The following SHISAL2B variants were observed in gnomAD, a reference collection of about 807,000 sequenced individuals.
SHISAL2B encodes shisa like 2B.
A neutral mutation model predicts 16.5 loss-of-function variants in SHISAL2B; 12 were observed. The observed-to-expected ratio is 0.73, with a 90% CI of 0.47 to 1.18. The LOEUF (loss-of-function observed/expected upper bound fraction) is 1.18, where lower values mean the gene tolerates loss of function less well. Among genes scored for constraint, SHISAL2B ranks in the 50% most tolerant of loss-of-function variants. The probability of loss-of-function intolerance (pLI) is 0.00; values close to 1 mark genes in which losing one functional copy is unlikely to be tolerated. For missense variants in SHISAL2B, 183 were observed against 193.6 expected (o/e 0.95, Z 0.33); for synonymous variants, 72 against 75.0 (o/e 0.96, Z 0.21).
Position 64,717,949 on chromosome 5 carries a change from A to C in SHISAL2B, c.410A>C (p.Glu137Ala). 2 of 1,524,172 alleles carry C rather than the reference A, an allele frequency of 1.3e-6. No individual in the cohort carries two copies. The highest frequency in any genetic ancestry group is 1.2e-5 in the South Asian group (1 of 80,390). The allele number at this position is 1,524,172 out of a possible 1,614,324, so 94.4% of individuals were successfully genotyped here. Residue 137 changes from glutamate (E) to alanine (A), a missense_variant, in exon 3 of 3, where the codon GAA becomes GCA. Transcript: ENST00000389074. ...AATGCAGCATCAAATGCAACAAATG[A>C]AACATACTATGAAGCTGATGATATA... ...NSNAASNATN[E>A]TYYEADDIIQ...
chr5:64,693,158 C>T (rs1257232052), intron 1 of SHISAL2B, among the ~76,000 whole-genome samples: 1 of 152,110 alleles, frequency 6.6e-6, no homozygotes, highest in Non-Finnish European at 1.5e-5. Flanking sequence ...CAGGCGCCTG[C>T]CACCATGCCT....
At chr5:64,703,529 C>T (rs1741837586) in intron 2 of SHISAL2B, among the ~76,000 whole-genome samples, 1 of 152,140 alleles carries the variant, frequency 6.6e-6, no homozygotes, top group Non-Finnish European at 1.5e-5. Flanking sequence ...CTGAGTCCTC[C>T]TCAAGGCACA....
At chr5:64,705,415 A>C (rs143909383) in intron 2 of SHISAL2B, among the ~76,000 whole-genome samples, 588 of 152,302 alleles carry the variant, frequency 3.9e-3, no homozygotes, top group Middle Eastern at 0.014. Flanking sequence ...CGTCTGATTA[A>C]ACTACTATGA....
intron 2 of SHISAL2B, among the ~76,000 whole-genome samples, chr5:64,707,424 G>C (rs1741889481): frequency 1.3e-5 from 2 of 152,148 alleles, no homozygotes; most frequent in Non-Finnish European, 2.9e-5. Flanking sequence ...CGGGGACCGT[G>C]AGGACATGGT....
Position 64,690,554 on chromosome 5 carries a change from G to C in SHISAL2B, c.-70G>C. 7.7e-7 allele frequency: 1 copy of C among 1,293,370 alleles called. No homozygotes were observed. The highest frequency in any genetic ancestry group is 1.0e-6 in the Non-Finnish European group (1 of 990,838). 80.1% of individuals were successfully genotyped at this position (1,293,370 alleles called of 1,614,324 possible). On this transcript the variant is annotated 5_prime_UTR_variant, in exon 1 of 3. Transcript: ENST00000389074. Reference sequence around the variant, plus strand: ...CGGGCAGAGGGGTCCGCGGGCTCTGGAGGTGCTGGACGGGTGCGATCCGAG... The same window carrying C: ...CGGGCAGAGGGGTCCGCGGGCTCTGCAGGTGCTGGACGGGTGCGATCCGAG...
At chr5:64,710,031 T>C (rs907389340) in intron 2 of SHISAL2B, among the ~76,000 whole-genome samples, 1 of 149,702 alleles carries the variant, frequency 6.7e-6, no homozygotes. Context: ...GCAGAAGCTC[T>C]TTAGTTTAAT....
intron 2 of SHISAL2B, among the ~76,000 whole-genome samples, chr5:64,699,288 T>A (rs1741777410): frequency 6.6e-6 from 1 of 152,228 alleles, no homozygotes; most frequent in Admixed American, 6.5e-5. Context: ...CTTGCATTGA[T>A]TTTAACCAAA....
At chr5:64,713,398 T>C (rs275814) in intron 2 of SHISAL2B, among the ~76,000 whole-genome samples, 7,073 of 45,538 alleles carry the variant, frequency 0.16, 468 homozygotes, top group African/African-American at 0.21. Flanking sequence ...AGGGTTTCTG[T>C]CAAGAGATCC....
chr5:64,693,302 C>T (rs1242065481), intron 1 of SHISAL2B, among the ~76,000 whole-genome samples: 2 of 152,144 alleles, frequency 1.3e-5, no homozygotes, highest in Non-Finnish European at 2.9e-5. Context: ...CCACCGCGCC[C>T]AGCCATAAAG....
At chr5:64,694,375 A>G (rs903519932) in intron 1 of SHISAL2B, among the ~76,000 whole-genome samples, 5 of 152,224 alleles carry the variant, frequency 3.3e-5, no homozygotes, top group Admixed American at 2.6e-4. Flanking sequence ...CTATTGGTAG[A>G]TTTTAATTAG....
chr5:64,700,190 G>A (rs1741788480), intron 2 of SHISAL2B, among the ~76,000 whole-genome samples: 1 of 152,166 alleles, frequency 6.6e-6, no homozygotes, highest in Non-Finnish European at 1.5e-5. Context: ...AGGTTGGGGA[G>A]GAATTAATGG....
chr5:64,713,668 C>T, intron 2 of SHISAL2B, among the ~76,000 whole-genome samples: 1 of 124,216 alleles, frequency 8.1e-6, no homozygotes, highest in Non-Finnish European at 1.6e-5. Context: ...CCATCACTTT[C>T]AGGTACACCA....
Position 64,704,921 on chromosome 5 carries a change from G to A in SHISAL2B, c.349+9257G>A, listed in dbSNP as rs75831016. On this transcript the variant is annotated intron_variant, in intron 2 of 2. Coordinates refer to ENST00000389074, the MANE Select transcript of SHISAL2B (RefSeq NM_001164442.2). ...TCCAATTACTCTAAGTTACCAGAGG[G>A]ATATACCTTGAAAGCACTTTTGGAT... Among the ~76,000 whole-genome samples the A allele has an allele frequency of 6.3e-3, 957 of 152,282 alleles. 11 individuals carry two copies. The highest frequency in any genetic ancestry group is 0.03 in the East Asian group (155 of 5,182).
chr5:64,708,312 C>T (rs1350038168), intron 2 of SHISAL2B, among the ~76,000 whole-genome samples: 1 of 151,952 alleles, frequency 6.6e-6, no homozygotes, highest in Admixed American at 6.6e-5. Flanking sequence ...AATGAGGACC[C>T]AAGTTAGAAT....
chr5:64,690,945 A>G (rs1211886514), intron 1 of SHISAL2B, 131 bp downstream of exon 1: 2 of 742,376 alleles, frequency 2.7e-6, no homozygotes, highest in South Asian at 2.8e-5. Context: ...TCCCTACGGA[A>G]GGACGCGGAG....
chr5:64,702,035 G>A (rs1343123246), intron 2 of SHISAL2B, among the ~76,000 whole-genome samples: 1 of 151,928 alleles, frequency 6.6e-6, no homozygotes, highest in Non-Finnish European at 1.5e-5. Flanking sequence ...CTTTTTTTGT[G>A]GTTTCTCCTT....
intron 2 of SHISAL2B, among the ~76,000 whole-genome samples, chr5:64,704,908 A>C (rs78723405): frequency 0.033 from 4,958 of 152,256 alleles, 123 homozygotes; most frequent in Non-Finnish European, 0.047. Flanking sequence ...CAATTACTCT[A>C]AGTTACCAGA....
At chr5:64,705,146 G>A (rs1311991465) in intron 2 of SHISAL2B, among the ~76,000 whole-genome samples, 1 of 152,118 alleles carries the variant, frequency 6.6e-6, no homozygotes, top group Non-Finnish European at 1.5e-5. Flanking sequence ...GGGAATAAAG[G>A]TCTTTACAAG....
chr5:64,693,410 T>C (rs1418141239), intron 1 of SHISAL2B, among the ~76,000 whole-genome samples: 2 of 152,188 alleles, frequency 1.3e-5, no homozygotes, highest in Non-Finnish European at 2.9e-5. Flanking sequence ...ATGCTTTGTT[T>C]TTGTTTTTCT....
Sources: allele counts gnomAD v4.1 joint callset (sites outside exome capture counted in the v4.1 genomes callset), GRCh38; gene constraint gnomAD v4.1.1; transcripts MANE v1.5; gene names NCBI Gene and HGNC (gene_info 2026-07-23, HGNC 2026-07-21).